The following OPCML variants were observed in gnomAD, a reference collection of about 807,000 sequenced individuals.
The protein encoded by OPCML is opioid binding protein/cell adhesion molecule like.
A neutral mutation model predicts 37.8 loss-of-function variants in OPCML; 13 were observed. The ratio of observed to expected loss-of-function variants is 0.34; its 90% CI spans 0.22 to 0.55. The LOEUF (loss-of-function observed/expected upper bound fraction) is 0.55, where lower values mean the gene tolerates loss of function less well. Ranked by LOEUF, OPCML falls within the 20% of genes least tolerant of loss-of-function variation. The pLI, the probability that OPCML is intolerant of heterozygous loss-of-function variation, is 0.91. For synonymous variants in OPCML, 176 were observed against 168.8 expected, an observed-to-expected ratio of 1.04 and a Z score of -0.33; for missense variants, 341 against 435.6, an observed-to-expected ratio of 0.78 and a Z score of 1.93.
At chr11:132,775,072 G>T (rs1946768183) in intron 2 of OPCML, among the ~76,000 whole-genome samples, 1 of 152,178 alleles carries the variant, frequency 6.6e-6, no homozygotes, top group Non-Finnish European at 1.5e-5. Context: ...TCTAACTCAT[G>T]GATGATCTTG....
chr11:132,434,799 C>G lies in OPCML; in HGVS notation c.916+1287G>C, dbSNP rs149531684. Among the ~76,000 whole-genome samples the G allele has an allele frequency of 3.0e-3, 455 of 152,298 alleles. 2 individuals are homozygous for G. Among genetic ancestry groups the G allele is most frequent in the African/African-American group, 0.01 (423 of 41,558 alleles). On this transcript the variant is annotated intron_variant, in intron 7 of 7. Coordinates refer to ENST00000524381, the MANE Select transcript of OPCML (RefSeq NM_001012393.5). Reference sequence around the variant, plus strand: ...CATTCATAGTAGGGTGACGTCCCCACTGAGACAGTTATCTATTAATCCAGT... The same window carrying G: ...CATTCATAGTAGGGTGACGTCCCCAGTGAGACAGTTATCTATTAATCCAGT...
chr11:133,250,133 T>C (rs1941078648), intron 1 of OPCML, among the ~76,000 whole-genome samples: 1 of 152,252 alleles, frequency 6.6e-6, no homozygotes, highest in African/African-American at 2.4e-5. Flanking sequence ...AATACATTAA[T>C]GTAACTTCAA....
chr11:132,995,837 G>C (rs564509018), intron 1 of OPCML, among the ~76,000 whole-genome samples: 2 of 152,308 alleles, frequency 1.3e-5, no homozygotes, highest in African/African-American at 4.8e-5. Flanking sequence ...GATGTGCTTG[G>C]TATAGTCAAG....
chr11:132,768,952 T>G (rs968301417), intron 2 of OPCML, among the ~76,000 whole-genome samples: 11 of 152,130 alleles, frequency 7.2e-5, no homozygotes, highest in Non-Finnish European at 1.3e-4. Context: ...CAGCTTGTAC[T>G]GTAGAGCAAG....
At chr11:133,419,940 C>T (rs1194564693) in intron 1 of OPCML, among the ~76,000 whole-genome samples, 3 of 152,096 alleles carry the variant, frequency 2.0e-5, no homozygotes, top group African/African-American at 7.2e-5. Flanking sequence ...TTAGCATATT[C>T]AATGTAAATA....
At chr11:132,486,131 C>A (rs949897056) in intron 4 of OPCML, among the ~76,000 whole-genome samples, 4 of 152,152 alleles carry the variant, frequency 2.6e-5, no homozygotes, top group Admixed American at 6.5e-5. Context: ...CTCATAAAAG[C>A]TTGGTCCTCA....
chr11:133,043,521 A>G (rs1362965294), intron 1 of OPCML, among the ~76,000 whole-genome samples: 1 of 152,152 alleles, frequency 6.6e-6, no homozygotes, highest in Non-Finnish European at 1.5e-5. Flanking sequence ...ACACCCAGGG[A>G]AATAGATTTC....
intron 2 of OPCML, among the ~76,000 whole-genome samples, chr11:132,775,994 C>G (rs1367341606): frequency 6.6e-6 from 1 of 152,150 alleles, no homozygotes; most frequent in East Asian, 1.9e-4. Flanking sequence ...TGCAGTGGTG[C>G]GATCTCATCA....
chr11:133,324,927 T>C (rs899133835), intron 1 of OPCML, among the ~76,000 whole-genome samples: 4 of 152,200 alleles, frequency 2.6e-5, no homozygotes, highest in Admixed American at 6.5e-5. Context: ...TATATGTATA[T>C]TCTACATATA....
intron 3 of OPCML, among the ~76,000 whole-genome samples, chr11:132,600,303 T>C (rs1193344136): frequency 6.6e-6 from 1 of 152,252 alleles, no homozygotes; most frequent in Non-Finnish European, 1.5e-5. Context: ...CCAAATGTTT[T>C]CGGCCAGCCT....
chr11:132,883,769 T>A (rs140287294), intron 2 of OPCML, among the ~76,000 whole-genome samples: 6 of 152,256 alleles, frequency 3.9e-5, no homozygotes, highest in African/African-American at 1.4e-4. Flanking sequence ...CCCTATAAAA[T>A]AAAAATTATT....
intron 1 of OPCML, among the ~76,000 whole-genome samples, chr11:133,226,952 T>C (rs1227578424): frequency 6.6e-6 from 1 of 152,202 alleles, no homozygotes; most frequent in African/African-American, 2.4e-5. Context: ...CTCACTGGGA[T>C]TGATAGTGAT....
intron 1 of OPCML, among the ~76,000 whole-genome samples, chr11:133,373,448 T>TATATATATATATACAC (rs966091785): frequency 2.4e-4 from 32 of 132,168 alleles, no homozygotes; most frequent in African/African-American, 1.0e-3. Context: ...TATATATATA[T>TATATATATATATACAC]ACACACACAC....
chr11:132,491,065 AT>A (rs2096214197), intron 4 of OPCML, among the ~76,000 whole-genome samples: 1 of 152,166 alleles, frequency 6.6e-6, no homozygotes, highest in African/African-American at 2.4e-5. Context: ...TACCTTTAAG[AT>A]AATTCCAGCT....
At chr11:133,140,567 GAAGAAGAAGA>G (rs1565467418) in intron 1 of OPCML, among the ~76,000 whole-genome samples, 3 of 141,050 alleles carry the variant, frequency 2.1e-5, no homozygotes, top group Non-Finnish European at 4.5e-5. Context: ...AGAAGAAGAA[GAAGAAGAAGA>G]AAGAAGAAAA....
At chr11:133,076,831 C>A (rs1310841057) in intron 1 of OPCML, among the ~76,000 whole-genome samples, 2 of 152,146 alleles carry the variant, frequency 1.3e-5, no homozygotes, top group East Asian at 1.9e-4. Context: ...CACTAGGAAT[C>A]TTCTGTATTC....
intron 1 of OPCML, among the ~76,000 whole-genome samples, chr11:133,470,265 CAAAAG>C (rs1200532507): frequency 1.3e-5 from 2 of 152,182 alleles, no homozygotes; most frequent in Non-Finnish European, 2.9e-5. Flanking sequence ...GATTTTCTCA[CAAAAG>C]AAAACACTCT....
intron 1 of OPCML, among the ~76,000 whole-genome samples, chr11:133,222,407 A>G (rs1414318026): frequency 6.6e-6 from 1 of 152,152 alleles, no homozygotes; most frequent in Non-Finnish European, 1.5e-5. Context: ...TTTAAAGGCA[A>G]AGCCAACAGG....
chr11:132,939,853 T>C (rs1376005276), intron 2 of OPCML, among the ~76,000 whole-genome samples: 2 of 152,210 alleles, frequency 1.3e-5, no homozygotes, highest in East Asian at 1.9e-4. Flanking sequence ...CAGATAATTG[T>C]AATGAAGTGA....
Sources: gnomAD v4.1 joint callset for allele counts (sites outside exome capture counted in the v4.1 genomes callset) on GRCh38, gnomAD v4.1.1 for gene constraint, MANE v1.5 for transcripts, NCBI Gene and HGNC (gene_info 2026-07-23, HGNC 2026-07-21) for gene names.